The following HMCN2 variants were observed in gnomAD, a reference collection of about 807,000 sequenced individuals.
The protein encoded by HMCN2 is hemicentin-2.
Under a neutral mutation model 377.5 loss-of-function variants are expected in HMCN2, and 325 were observed. The ratio of observed to expected loss-of-function variants is 0.86; its 90% confidence interval spans 0.79 to 0.94. The LOEUF is 0.94. Ranked by LOEUF, HMCN2 falls within the 40% of genes least tolerant of loss-of-function variation. The pLI is 0.00. For missense variants in HMCN2, 4,543 were observed against 4,725.3 expected, an observed-to-expected ratio of 0.96 and a Z score of 1.13; for synonymous variants, 2,007 against 2,046.8, an observed-to-expected ratio of 0.98 and a Z score of 0.53.
At chr9:130,305,597 G>T (rs1554936401) in intron 11 of HMCN2, among the ~76,000 whole-genome samples, 1 of 152,220 alleles carries the variant, frequency 6.6e-6, no homozygotes, top group African/African-American at 2.4e-5. Context: ...TCTAGGCTCT[G>T]CAGGAAGGAG....
Position 130,288,948 on chromosome 9 carries a change from G to A in HMCN2, c.612+2638G>A, listed in dbSNP as rs117485768. Among the ~76,000 whole-genome samples the A allele has an allele frequency of 7.2e-3, 1,101 of 152,306 alleles. 4 individuals carry two copies. The highest frequency in any genetic ancestry group is 0.011 in the Non-Finnish European group (722 of 68,032). ...GTGGCCCCTTGAACCTGCCCCAAAG[G>A]TGTGCATTTTTGATTAAGACTTAGA... On this transcript the variant is annotated intron_variant, in intron 4 of 97. Coordinates refer to ENST00000683500, the MANE Select transcript of HMCN2 (RefSeq NM_001291815.2).
At position 130,345,007 on chromosome 9, in the gene HMCN2, T is replaced by A. The variant is rs1839282927; in HGVS notation, c.3830-2159T>A. ...TTGTATGTGTTGTGTATGTGGTGTG[T>A]ATAGTTTTGGTGTGTGTGTGGTGTG... On this transcript the variant is annotated intron_variant, in intron 25 of 97. Transcript: ENST00000683500. 3.4e-4 allele frequency among the ~76,000 whole-genome samples: 2 copies of A among 5,918 alleles called. 1 individual carries two copies. The highest frequency in any genetic ancestry group is 8.8e-4 in the African/African-American group (2 of 2,284). 3.9% of individuals were successfully genotyped at this position (5,918 alleles called of 152,430 possible).
At position 130,351,858 on chromosome 9, in the gene HMCN2, C is replaced by G. The variant is rs900886962; in HGVS notation, c.4585+281C>G. ...ATGAATTCTCTCTCTGTTGCCTAGG[C>G]TGGAGCGCAGTGGCACCATCTTGGC... On this transcript the variant is annotated intron_variant, in intron 30 of 97. Coordinates refer to ENST00000683500, the MANE Select transcript of HMCN2 (RefSeq NM_001291815.2). This position sits in a 1 kb window ranked among gnomAD's most constrained non-coding sequence, Gnocchi z 5.4. 6.6e-6 allele frequency among the ~76,000 whole-genome samples: 1 copy of G among 151,940 alleles called. No individual in the cohort carries two copies. The highest frequency in any genetic ancestry group is 2.4e-5 in the African/African-American group (1 of 41,328).
Position 130,393,057 on chromosome 9 carries a change from CG to C in HMCN2, c.10137-154del, listed in dbSNP as rs1046813435. ...AAGCAAAGGCTGGGCTCAGTCACCCCGCCCCCTCTGGCCAGCAAGCTCTTGG... is the reference window on the plus strand; with the variant it reads ...AAGCAAAGGCTGGGCTCAGTCACCCCCCCCCTCTGGCCAGCAAGCTCTTGG... On this transcript the variant is annotated intron_variant, in intron 66 of 97. Transcript: ENST00000683500. The surrounding 1 kb of genome is among the most constrained non-coding windows in gnomAD (Gnocchi z 5.2). Among the ~76,000 whole-genome samples the C allele has an allele frequency of 5.9e-5, 9 of 152,110 alleles. No homozygotes were observed. Among genetic ancestry groups the C allele is most frequent in the Non-Finnish European group, 1.2e-4 (8 of 68,004 alleles).
rs1836103285 is a variant in HMCN2, at chr9:130,405,538, C to T, written c.12340-417C>T. 2.0e-5 allele frequency among the ~76,000 whole-genome samples: 3 copies of T among 152,150 alleles called. No homozygotes were observed. The South Asian group carries it at 6.2e-4, about 32-fold the overall frequency. Reference sequence around the variant, plus strand: ...CCTAGAGGGGTCAGAGGCATTGGACCCGGCCACCCAGGGAGCCTGGGGGTG... The same window carrying T: ...CCTAGAGGGGTCAGAGGCATTGGACTCGGCCACCCAGGGAGCCTGGGGGTG... On this transcript the variant is annotated intron_variant, in intron 81 of 97. Coordinates refer to ENST00000683500, the MANE Select transcript of HMCN2 (RefSeq NM_001291815.2).
intron 1 of HMCN2, among the ~76,000 whole-genome samples, chr9:130,279,315 G>T (rs1333006400): frequency 6.6e-6 from 1 of 152,082 alleles, no homozygotes; most frequent in East Asian, 1.9e-4. Flanking sequence ...CACATCTTTA[G>T]AAAGGTGGGG....
intron 75 of HMCN2, among the ~76,000 whole-genome samples, chr9:130,399,229 G>GGCA (rs1213468486): frequency 6.7e-6 from 1 of 149,142 alleles, no homozygotes; most frequent in Non-Finnish European, 1.5e-5. Context: ...CTCCAGCCTG[G>GGCA]GCAACAGAAC....
rs578029460 is a variant in HMCN2, at chr9:130,403,672, C to T, written c.12014-69C>T. On this transcript the variant is annotated intron_variant, in intron 79 of 97. Coordinates refer to ENST00000683500, the MANE Select transcript of HMCN2 (RefSeq NM_001291815.2). ...TTTGCTGCCTGTGAGACAGAATAGC[C>T]CAATCTGCCCACCTCGGGGGTCCCC... 4.7e-5 allele frequency: 59 copies of T among 1,257,764 alleles called. 1 individual carries two copies. In the African/African-American group the frequency reaches 8.7e-4, roughly 19 times the overall value. The allele number at this position is 1,257,764 out of a possible 1,614,324, so 77.9% of individuals were successfully genotyped here. A position where few individuals can be genotyped will look rare whatever the true frequency, so the allele number is the denominator to read the frequency against.
At chr9:130,400,261 A>G (rs11244170) in intron 76 of HMCN2, 16,709 of 153,106 alleles carry the variant, frequency 0.11, 1,024 homozygotes, top group Middle Eastern at 0.17. Context: ...AGAAAGCTGT[A>G]TCCCACTGGG....
chr9:130,353,646 G>A (rs934084056), intron 31 of HMCN2, among the ~76,000 whole-genome samples: 1 of 152,214 alleles, frequency 6.6e-6, no homozygotes, highest in Non-Finnish European at 1.5e-5. Flanking sequence ...ACAGATGGTC[G>A]CAGTGAAGCT....
intron 51 of HMCN2, 85 bp downstream of exon 51, chr9:130,376,074 T>TG: frequency 7.2e-6 from 3 of 418,822 alleles, no homozygotes; most frequent in Non-Finnish European, 9.6e-6. Flanking sequence ...CCACCCTTGG[T>TG]GCTCCAGGGA....
rs981622082 is a variant in HMCN2 at position 130,376,536 on chromosome 9, G to A, written c.7939G>A (p.Asp2647Asn). ...EVLIPPSISK[D>N]DPLAEVGVKE... Reference sequence around the variant, plus strand: ...TTCAGTCCCCCCTTCCATCTCCAAAGACGACCCCTTGGCGGAGGTCGGCGT... The same window carrying A: ...TTCAGTCCCCCCTTCCATCTCCAAAAACGACCCCTTGGCGGAGGTCGGCGT... The change falls in exon 52 of 98, where the codon GAC (aspartate) becomes AAC (asparagine). Residue 2647 changes from aspartate to asparagine, a missense_variant. Around this residue, in one of 5 missense-constraint regions of HMCN2, gnomAD observed 736 missense variants for 773.2 expected, o/e 0.95. Coordinates refer to ENST00000683500, the MANE Select transcript of HMCN2 (RefSeq NM_001291815.2). 2.2e-5 allele frequency: 22 copies of A among 985,732 alleles called. No homozygotes were observed. Among genetic ancestry groups the A allele is most frequent in the Non-Finnish European group, 2.5e-5 (21 of 830,004 alleles). 61.1% of individuals were successfully genotyped at this position (985,732 alleles called of 1,614,324 possible).
intron 8 of HMCN2, among the ~76,000 whole-genome samples, chr9:130,300,451 A>G (rs112042576): frequency 6.6e-6 from 1 of 152,350 alleles, no homozygotes; most frequent in East Asian, 1.9e-4. Flanking sequence ...GACACTTTCC[A>G]TGGGGCAGTC....
chr9:130,370,133 A>G (rs1407619618), intron 45 of HMCN2, among the ~76,000 whole-genome samples: 1 of 152,104 alleles, frequency 6.6e-6, no homozygotes, highest in African/African-American at 2.4e-5. Context: ...GGCACTGGGA[A>G]AGTAAGCAGT....
intron 31 of HMCN2, 112 bp downstream of exon 31, chr9:130,353,317 G>A (rs1839836991): frequency 2.1e-6 from 2 of 942,092 alleles, no homozygotes; most frequent in South Asian, 1.6e-5. Flanking sequence ...GTGGTCAGAG[G>A]CAAAAGGATA....
intron 62 of HMCN2, among the ~76,000 whole-genome samples, chr9:130,389,142 C>T (rs778329566): frequency 8.5e-5 from 13 of 152,224 alleles, no homozygotes; most frequent in Non-Finnish European, 1.0e-4. Flanking sequence ...GGGGCCGGCA[C>T]TGCCAGCCAC....
chr9:130,393,904 G>T lies in HMCN2; in HGVS notation c.10397G>T (p.Ser3466Ile). The T allele has an allele frequency of 7.8e-7, 1 of 1,289,630 alleles. No individual in the cohort carries two copies. Among genetic ancestry groups the T allele is most frequent in the Non-Finnish European group, 1.0e-6 (1 of 988,824 alleles). 79.9% of individuals were successfully genotyped at this position (1,289,630 alleles called of 1,614,324 possible). Reference protein sequence around the residue: ...LLSQSLEQGPSLQLEAVGAGD... With the variant: ...LLSQSLEQGPILQLEAVGAGD... ...TCCCAGAGCCTCGAGCAGGGGCCCA[G>T]CCTGCAGCTGGAGGCAGTGGGAGCT... The change falls in exon 68 of 98, where the codon AGC (serine) becomes ATC (isoleucine). Residue 3466 changes from serine (S) to isoleucine (I), a missense_variant. Around this residue, in one of 5 missense-constraint regions of HMCN2, gnomAD observed 1,073 missense variants for 1,319.5 expected, o/e 0.81. Transcript: ENST00000683500. This position sits in a 1 kb window ranked among gnomAD's most constrained non-coding sequence, Gnocchi z 5.2.
chr9:130,270,926 A>G (rs1834376501), intron 1 of HMCN2, among the ~76,000 whole-genome samples: 1 of 148,960 alleles, frequency 6.7e-6, no homozygotes, highest in Admixed American at 6.7e-5. Flanking sequence ...GATCCCATCC[A>G]GGATACATTA....
Position 130,394,368 on chromosome 9 carries a change from T to C in HMCN2, c.10502-17T>C. 1 of 1,285,304 alleles carries C rather than the reference T, an allele frequency of 7.8e-7. No individual in the cohort carries two copies. Among genetic ancestry groups the C allele is most frequent in the Middle Eastern group, 2.1e-4 (1 of 4,680 alleles). 79.6% of individuals were successfully genotyped at this position (1,285,304 alleles called of 1,614,324 possible). On this transcript the variant is annotated splice_polypyrimidine_tract_variant and intron_variant, in intron 68 of 97. Transcript: ENST00000683500. This position sits in a 1 kb window ranked among gnomAD's most constrained non-coding sequence, Gnocchi z 5.1. ...AATGTGTGTCAATTGTGTGTTCCCC[T>C]CCATGGTGGCTTGCAGAGCCCCCTC...
Sources: allele counts gnomAD v4.1 joint callset (sites outside exome capture counted in the v4.1 genomes callset), GRCh38; gene constraint gnomAD v4.1.1; regional missense constraint gnomAD v4.1.1; non-coding constraint Gnocchi (gnomAD v3.1); transcripts MANE v1.5; gene names NCBI Gene and HGNC (gene_info 2026-07-23, HGNC 2026-07-21).